STK32A: variants seen among roughly 807,000 people sequenced by gnomAD.
STK32A encodes the protein serine/threonine kinase 32A.
Under a neutral mutation model 53.2 loss-of-function variants are expected in STK32A, and 41 were observed. That is an observed-to-expected ratio of 0.77 (90% CI 0.60 to 1.00). The LOEUF is 1.00. Ranked by LOEUF, STK32A falls within the 50% of genes least tolerant of loss-of-function variation. The pLI is 0.00. For synonymous variants in STK32A, 166 were observed against 162.8 expected (o/e 1.02, Z -0.15); for missense variants, 458 against 485.8 (o/e 0.94, Z 0.54).
At chr5:147,283,470 CAAAA>C (rs35437278) in intron 4 of STK32A, among the ~76,000 whole-genome samples, 13 of 141,594 alleles carry the variant, frequency 9.2e-5, no homozygotes, top group African/African-American at 2.3e-4. Flanking sequence ...GAAATTGAAA[CAAAA>C]AAAAAAAAAG....
chr5:147,261,314 C>A (rs1199041319), intron 2 of STK32A, among the ~76,000 whole-genome samples: 1 of 152,208 alleles, frequency 6.6e-6, no homozygotes, highest in Non-Finnish European at 1.5e-5. Context: ...ACAGATGGAA[C>A]AATGGTAAGC....
intron 11 of STK32A, among the ~76,000 whole-genome samples, chr5:147,378,774 T>G (rs1486121225): frequency 6.6e-6 from 1 of 151,326 alleles, no homozygotes; most frequent in Non-Finnish European, 1.5e-5. Context: ...CATGCTGTTT[T>G]GGTTACTGTA....
chr5:147,281,511 GA>G (rs1411826399), intron 4 of STK32A, among the ~76,000 whole-genome samples: 1 of 152,060 alleles, frequency 6.6e-6, no homozygotes, highest in African/African-American at 2.4e-5. Context: ...AAGAAATTCA[GA>G]GCTCGAAGAC....
downstream of STK32A, among the ~76,000 whole-genome samples, chr5:147,388,096 C>A (rs569347786): frequency 6.6e-6 from 1 of 152,190 alleles, no homozygotes; most frequent in Non-Finnish European, 1.5e-5. Context: ...CTCTAGTAGT[C>A]GCATTTCAGG....
chr5:147,324,195 C>T (rs1412317824), intron 5 of STK32A, 124 bp downstream of exon 5: 2 of 1,014,244 alleles, frequency 2.0e-6, no homozygotes, highest in East Asian at 2.7e-5. Context: ...AAACAGTACC[C>T]TGAGGTAGGT....
At chr5:147,271,409 C>T (rs937184699) in intron 2 of STK32A, among the ~76,000 whole-genome samples, 1 of 152,008 alleles carries the variant, frequency 6.6e-6, no homozygotes, top group Non-Finnish European at 1.5e-5. Context: ...ATTAACTGCA[C>T]AAATTGTAGA....
chr5:147,254,922 G>A (rs943015032), intron 2 of STK32A, among the ~76,000 whole-genome samples: 17 of 152,198 alleles, frequency 1.1e-4, no homozygotes, highest in Non-Finnish European at 2.4e-4. Context: ...GGCGGATCAC[G>A]AGGTCAGGAG....
chr5:147,304,078 C>G (rs1753278338), intron 4 of STK32A, among the ~76,000 whole-genome samples: 1 of 152,168 alleles, frequency 6.6e-6, no homozygotes, highest in African/African-American at 2.4e-5. Context: ...GCAGGTTTCA[C>G]AAAGATTAGG....
chr5:147,294,674 T>C (rs77264547), intron 4 of STK32A, among the ~76,000 whole-genome samples: 41,653 of 151,694 alleles, frequency 0.27, 5,987 homozygotes, highest in South Asian at 0.5. Context: ...CTAGTCATTT[T>C]TTTTTTCTTT....
At chr5:147,360,449 T>TAA (rs1756448085) in intron 7 of STK32A, among the ~76,000 whole-genome samples, 1 of 33,628 alleles carries the variant, frequency 3.0e-5, no homozygotes, top group Admixed American at 5.7e-4. Context: ...AGATTCTGTC[T>TAA]CAAAAAAAAA....
At chr5:147,326,637 G>C (rs1258568410) in intron 5 of STK32A, among the ~76,000 whole-genome samples, 1 of 152,144 alleles carries the variant, frequency 6.6e-6, no homozygotes, top group Admixed American at 6.5e-5. Context: ...ATGAATGATT[G>C]ACCAGAAGTT....
At chr5:147,334,036 T>G (rs961321151) in intron 5 of STK32A, among the ~76,000 whole-genome samples, 8 of 151,772 alleles carry the variant, frequency 5.3e-5, no homozygotes, top group African/African-American at 1.9e-4. Flanking sequence ...AAATCAGGAG[T>G]GCTTAATAAA....
chr5:147,272,712 A>C lies in STK32A; in HGVS notation c.53-5412A>C, dbSNP rs150471773. On this transcript the variant is annotated intron_variant, in intron 2 of 12. Transcript: ENST00000397936. Reference sequence around the variant, plus strand: ...TTAGTTTTCACTGAATAATTGTTGTACTTAAAAAAATTTGTAATTTTTAGT... The same window carrying C: ...TTAGTTTTCACTGAATAATTGTTGTCCTTAAAAAAATTTGTAATTTTTAGT... 3.3e-5 allele frequency among the ~76,000 whole-genome samples: 5 copies of C among 152,322 alleles called. No homozygotes were observed. The East Asian group carries it at 9.7e-4, about 29-fold the overall frequency.
chr5:147,397,899 T>C, the STK32A span: 1 of 846,452 alleles, frequency 1.2e-6, no homozygotes, highest in African/African-American at 2.3e-5. Context: ...AAGAGGAACG[T>C]ACCTTCTCTC....
chr5:147,309,275 G>T (rs183996260), intron 4 of STK32A, among the ~76,000 whole-genome samples: 1 of 152,064 alleles, frequency 6.6e-6, no homozygotes, highest in African/African-American at 2.4e-5. Flanking sequence ...AGATGAAATA[G>T]TTCTTATGCC....
rs1337372109 is a variant in STK32A at position 147,385,883 on chromosome 5, C to T, written c.*1900C>T. The T allele has an allele frequency of 6.6e-6, 1 of 152,184 alleles. No individual in the cohort carries two copies. 9.4% of individuals were successfully genotyped at this position (152,184 alleles called of 1,614,324 possible). ...GGCAACTGCGAAGACCTGACTGATG[C>T]CCATTTGGGAAGCCAGGCAAGTGAA... On this transcript the variant is annotated 3_prime_UTR_variant, in exon 13 of 13. Coordinates refer to ENST00000397936, the MANE Select transcript of STK32A (RefSeq NM_001112724.2).
downstream of STK32A, chr5:147,392,229 A>G (rs956153718): frequency 2.0e-5 from 3 of 152,246 alleles, no homozygotes; most frequent in African/African-American, 7.2e-5. Flanking sequence ...CCCTTAAAAG[A>G]AAAGCACTAC....
chr5:147,401,468 T>C, the STK32A span: 2 of 1,496,178 alleles, frequency 1.3e-6, no homozygotes, highest in Admixed American at 2.2e-5. Flanking sequence ...GGACTGCTCC[T>C]GTCCTCAACC....
the STK32A span, chr5:147,401,864 G>T: frequency 1.4e-6 from 1 of 692,380 alleles, no homozygotes; most frequent in Non-Finnish European, 2.2e-6. Context: ...TTTCCTATCT[G>T]CTAAATGTGA....
Sources: allele counts gnomAD v4.1 joint callset (sites outside exome capture counted in the v4.1 genomes callset), GRCh38; gene constraint gnomAD v4.1.1; transcripts MANE v1.5; gene names NCBI Gene and HGNC (gene_info 2026-07-23, HGNC 2026-07-21).